Variants in SEMA5A observed in about 807,000 individuals in gnomAD.
SEMA5A encodes semaphorin 5A.
A neutral mutation model predicts 135.5 loss-of-function variants in SEMA5A; 55 were observed. The ratio of observed to expected loss-of-function variants is 0.41; its 90% CI spans 0.33 to 0.51. The LOEUF is 0.51. Ranked by LOEUF, SEMA5A falls within the 20% of genes least tolerant of loss-of-function variation. The probability of loss-of-function intolerance (pLI) is 0.37; values close to 1 mark genes in which losing one functional copy is unlikely to be tolerated. For synonymous variants in SEMA5A, 580 were observed against 546.5 expected (o/e 1.06, Z -0.85); for missense variants, 1,290 against 1,419.9 (o/e 0.91, Z 1.47).
chr5:9,342,867 C>A (rs1036753731), intron 3 of SEMA5A, among the ~76,000 whole-genome samples: 2 of 152,140 alleles, frequency 1.3e-5, no homozygotes, highest in African/African-American at 2.4e-5. Flanking sequence ...AAGATACAAA[C>A]CCAACCAGCA....
chr5:9,205,861 C>A (rs1745986754), intron 8 of SEMA5A, among the ~76,000 whole-genome samples: 1 of 152,172 alleles, frequency 6.6e-6, no homozygotes, highest in Non-Finnish European at 1.5e-5. Context: ...ACTCGGGAAA[C>A]ACAGTTTCTT....
Position 9,035,300 on chromosome 5 carries a change from A to G in SEMA5A, c.*7597T>C, listed in dbSNP as rs770058310. ...TAGGGTTGAGATACAGAAACTGTCA[A>G]TGCACCAAGAGCAGTAAGAGAGCAC... On this transcript the variant is annotated 3_prime_UTR_variant, in exon 23 of 23. Transcript: ENST00000382496. 1.3e-5 allele frequency: 2 copies of G among 152,182 alleles called. No homozygotes were observed. The highest frequency in any genetic ancestry group is 4.8e-5 in the African/African-American group (2 of 41,442). The allele number at this position is 152,182 out of a possible 1,614,324, so 9.4% of individuals were successfully genotyped here.
chr5:9,203,573 A>C (rs1166116605), intron 8 of SEMA5A, among the ~76,000 whole-genome samples: 1 of 152,234 alleles, frequency 6.6e-6, no homozygotes, highest in Non-Finnish European at 1.5e-5. Flanking sequence ...TCTGTCCAGG[A>C]AGACTATTGC....
chr5:9,108,082 T>A, intron 16 of SEMA5A, 58 bp downstream of exon 16: 2 of 1,577,682 alleles, frequency 1.3e-6, no homozygotes, highest in South Asian at 2.3e-5. Context: ...TTTGTGTGTA[T>A]TGAGTCTGTA....
At chr5:9,291,249 C>T (rs1281785098) in intron 5 of SEMA5A, among the ~76,000 whole-genome samples, 1 of 152,146 alleles carries the variant, frequency 6.6e-6, no homozygotes, top group Non-Finnish European at 1.5e-5. Context: ...CTGGATGCGG[C>T]AGATTTTGCA....
Position 9,245,612 on chromosome 5 carries a change from G to A in SEMA5A, c.271-7722C>T, listed in dbSNP as rs150603301. On this transcript the variant is annotated intron_variant, in intron 5 of 22. Transcript: ENST00000382496. ...GGCAGTACAAATTGAAATGACAGCG[G>A]ACACCTTATTCCGTACTCTATAATA... Among the ~76,000 whole-genome samples, 12 of 152,192 alleles carry A rather than the reference G, an allele frequency of 7.9e-5. No homozygotes were observed. The East Asian group carries it at 2.3e-3, about 29-fold the overall frequency.
chr5:9,511,394 T>A (rs1289081473), intron 1 of SEMA5A: 1 of 152,210 alleles, frequency 6.6e-6, no homozygotes, highest in African/African-American at 2.4e-5. Context: ...TATGTTTTCA[T>A]CTGGCTAATT....
chr5:9,158,059 T>C (rs1743052017), intron 11 of SEMA5A, among the ~76,000 whole-genome samples: 1 of 152,238 alleles, frequency 6.6e-6, no homozygotes, highest in African/African-American at 2.4e-5. Context: ...TAGTGGCTGC[T>C]ATTAGGGCCA....
chr5:9,220,716 C>T (rs375128194), intron 8 of SEMA5A, among the ~76,000 whole-genome samples: 7 of 152,150 alleles, frequency 4.6e-5, no homozygotes, highest in African/African-American at 9.7e-5. Context: ...CAAGCCACAG[C>T]GTGCACTACC....
chr5:9,231,988 C>T (rs919840339), intron 6 of SEMA5A, among the ~76,000 whole-genome samples: 17 of 152,142 alleles, frequency 1.1e-4, no homozygotes, highest in Admixed American at 3.3e-4. Context: ...GATCCACAGA[C>T]GTATCAACCT....
At chr5:9,241,064 A>T (rs74755608) in intron 5 of SEMA5A, among the ~76,000 whole-genome samples, 3,793 of 152,228 alleles carry the variant, frequency 0.025, 151 homozygotes, top group African/African-American at 0.083. Flanking sequence ...TGTCTGCATT[A>T]TATATTTCAG....
chr5:9,435,814 A>T (rs1758007898), intron 2 of SEMA5A, among the ~76,000 whole-genome samples: 1 of 152,236 alleles, frequency 6.6e-6, no homozygotes, highest in African/African-American at 2.4e-5. Flanking sequence ...TATGGCCTGT[A>T]AGCGCCAAAA....
chr5:9,096,939 C>A (rs1451834001), intron 16 of SEMA5A, among the ~76,000 whole-genome samples: 3 of 152,072 alleles, frequency 2.0e-5, no homozygotes, highest in Non-Finnish European at 4.4e-5. Flanking sequence ...GATGAAAAAA[C>A]AGTAGACTTT....
chr5:9,042,659 A>G lies in SEMA5A; in HGVS notation c.*238T>C, dbSNP rs2150023005. The G allele has an allele frequency of 1.3e-5, 6 of 470,082 alleles. No individual in the cohort carries two copies. Among genetic ancestry groups the G allele is most frequent in the South Asian group, 1.1e-4 (4 of 36,862 alleles). 29.1% of individuals were successfully genotyped at this position (470,082 alleles called of 1,614,324 possible). A position where few individuals can be genotyped will look rare whatever the true frequency, so the allele number is the denominator to read the frequency against. On this transcript the variant is annotated 3_prime_UTR_variant, in exon 23 of 23. Transcript: ENST00000382496. ...TTGTCAGAAAAATAGGATGAACACA[A>G]TTAAAAACTTCACACCCTGGCTCAT...
chr5:9,531,229 C>T (rs907860031), intron 1 of SEMA5A, among the ~76,000 whole-genome samples: 1 of 152,206 alleles, frequency 6.6e-6, no homozygotes, highest in Non-Finnish European at 1.5e-5. Flanking sequence ...CAGCTCCAAA[C>T]TTCTCTATGA....
intron 11 of SEMA5A, among the ~76,000 whole-genome samples, chr5:9,161,461 A>C (rs1227553961): frequency 6.6e-6 from 1 of 152,254 alleles, no homozygotes; most frequent in Non-Finnish European, 1.5e-5. Context: ...TATATATTTT[A>C]CTTAACCCAA....
At chr5:9,272,984 G>A (rs772866929) in intron 5 of SEMA5A, among the ~76,000 whole-genome samples, 7 of 152,148 alleles carry the variant, frequency 4.6e-5, no homozygotes, top group South Asian at 2.1e-4. Flanking sequence ...ACCAGCAAGG[G>A]AACAAAACTG....
chr5:9,271,051 C>A (rs915938890), intron 5 of SEMA5A, among the ~76,000 whole-genome samples: 6 of 152,126 alleles, frequency 3.9e-5, no homozygotes, highest in African/African-American at 1.4e-4. Context: ...TTGTAACCTC[C>A]ACATATCGGG....
chr5:9,205,786 A>G (rs887123064), intron 8 of SEMA5A, among the ~76,000 whole-genome samples: 1 of 152,184 alleles, frequency 6.6e-6, no homozygotes, highest in Non-Finnish European at 1.5e-5. Flanking sequence ...TTGGAAACAC[A>G]TCATGCGGCC....
Sources: allele counts gnomAD v4.1 joint callset (sites outside exome capture counted in the v4.1 genomes callset), GRCh38; gene constraint gnomAD v4.1.1; transcripts MANE v1.5; gene names NCBI Gene and HGNC (gene_info 2026-07-23, HGNC 2026-07-21).